Variants in PBX4 observed in about 807,000 individuals in gnomAD.
The protein encoded by PBX4 is pre-B-cell leukemia transcription factor 4.
In PBX4, 26 loss-of-function variants were observed where a neutral mutation model predicts 35.1. The ratio of observed to expected loss-of-function variants is 0.74; its 90% CI spans 0.54 to 1.03. The LOEUF is 1.03. Ranked by LOEUF, PBX4 falls within the 50% of genes least tolerant of loss-of-function variation. PBX4 has a pLI of 0.00. For missense variants in PBX4, 448 were observed against 504.3 expected, an observed-to-expected ratio of 0.89 and a Z score of 1.07; for synonymous variants, 199 against 204.2, an observed-to-expected ratio of 0.97 and a Z score of 0.22.
chr19:19,570,345 G>T (rs367833595), intron 3 of PBX4, 46 bp from the exon 4 acceptor site: 1 of 1,557,550 alleles, frequency 6.4e-7, no homozygotes, highest in Middle Eastern at 1.8e-4. Context: ...AGGCAGCAGG[G>T]TGGCACAGGG....
At chr19:19,564,032 T>C (rs1303611955) in intron 6 of PBX4, among the ~76,000 whole-genome samples, 1 of 152,024 alleles carries the variant, frequency 6.6e-6, no homozygotes, top group Non-Finnish European at 1.5e-5. Flanking sequence ...AGGGTACATG[T>C]GCACAATGTG....
intron 2 of PBX4, among the ~76,000 whole-genome samples, chr19:19,590,627 C>T (rs2061522466): frequency 6.6e-6 from 1 of 152,040 alleles, no homozygotes; most frequent in Non-Finnish European, 1.5e-5. Context: ...TGCCACCACG[C>T]CCAGCTAATT....
chr19:19,569,076 A>G (rs1456837876), intron 5 of PBX4, among the ~76,000 whole-genome samples: 3 of 151,936 alleles, frequency 2.0e-5, no homozygotes, highest in Admixed American at 6.6e-5. Flanking sequence ...TTTGTTTTTC[A>G]GAGATAGGAT....
intron 2 of PBX4, among the ~76,000 whole-genome samples, chr19:19,597,264 A>G (rs1022682786): frequency 6.6e-6 from 1 of 152,208 alleles, no homozygotes; most frequent in African/African-American, 2.4e-5. Flanking sequence ...TAGGGACATC[A>G]TGTCCTCATA....
At chr19:19,577,195 A>C (rs746116184) in intron 2 of PBX4, among the ~76,000 whole-genome samples, 10 of 68,622 alleles carry the variant, frequency 1.5e-4, no homozygotes, top group Non-Finnish European at 2.7e-4. Flanking sequence ...ACTCCATGTC[A>C]AAAAAAAAAA....
intron 1 of PBX4, among the ~76,000 whole-genome samples, chr19:19,609,807 C>A (rs1327494649): frequency 1.3e-5 from 2 of 151,856 alleles, no homozygotes; most frequent in African/African-American, 4.8e-5. Flanking sequence ...GCCGAGATTG[C>A]GCCACCACAC....
chr19:19,580,622 G>A (rs1339393277), intron 2 of PBX4, among the ~76,000 whole-genome samples: 1 of 152,228 alleles, frequency 6.6e-6, no homozygotes, highest in Admixed American at 6.5e-5. Flanking sequence ...ATTCTGGCAA[G>A]GTGCTCACCA....
chr19:19,601,046 TGGCAG>T (rs1455066949), intron 1 of PBX4, among the ~76,000 whole-genome samples: 10 of 152,104 alleles, frequency 6.6e-5, no homozygotes, highest in Non-Finnish European at 1.2e-4. Context: ...TTTACACATG[TGGCAG>T]TTAAGAGGGA....
chr19:19,611,659 A>G (rs1172638746), intron 1 of PBX4, among the ~76,000 whole-genome samples: 1 of 149,390 alleles, frequency 6.7e-6, no homozygotes, highest in Non-Finnish European at 1.5e-5. Context: ...AGCCTGGGTG[A>G]CAGGGTGAGA....
At chr19:19,584,225 G>A (rs1272765095) in intron 2 of PBX4, among the ~76,000 whole-genome samples, 4 of 152,132 alleles carry the variant, frequency 2.6e-5, no homozygotes, top group East Asian at 1.9e-4. Context: ...GTGACAGAGC[G>A]AGACTCTGAT....
intron 1 of PBX4, 120 bp downstream of exon 1, chr19:19,618,391 A>AC: frequency 9.9e-6 from 9 of 913,262 alleles, no homozygotes; most frequent in Non-Finnish European, 1.3e-5. Context: ...CGTCCTCGGG[A>AC]CCCCCCTCCA....
At chr19:19,578,015 T>TAAAAA (rs34023797) in intron 2 of PBX4, among the ~76,000 whole-genome samples, 1 of 73,380 alleles carries the variant, frequency 1.4e-5, no homozygotes, top group African/African-American at 6.0e-5. Context: ...CCATCTCTAC[T>TAAAAA]AAAAAAAAAA....
Position 19,616,766 on chromosome 19 carries a change from C to T in PBX4, c.119+1745G>A, listed in dbSNP as rs995623506. 2.7e-5 allele frequency among the ~76,000 whole-genome samples: 4 copies of T among 150,810 alleles called. No homozygotes were observed. The East Asian group carries it at 7.8e-4, about 30-fold the overall frequency. On this transcript the variant is annotated intron_variant, in intron 1 of 7. Transcript: ENST00000251203. ...TGGTGTGATCTCGGCTCACTGCAGC[C>T]TCCGCCTCCCAGGTTCCAGTGATTC...
At chr19:19,610,198 G>A (rs1394594259) in intron 1 of PBX4, among the ~76,000 whole-genome samples, 1 of 152,214 alleles carries the variant, frequency 6.6e-6, no homozygotes, top group African/African-American at 2.4e-5. Context: ...CGGATCACCT[G>A]AGGTTGGGAG....
chr19:19,582,151 A>T (rs112107493), intron 2 of PBX4, among the ~76,000 whole-genome samples: 2,590 of 152,146 alleles, frequency 0.017, 82 homozygotes, highest in South Asian at 0.11. Flanking sequence ...CTGCTGCTGC[A>T]CACTCCTCTC....
intron 2 of PBX4, among the ~76,000 whole-genome samples, chr19:19,591,668 G>A (rs370127141): frequency 2.0e-5 from 3 of 152,234 alleles, no homozygotes; most frequent in East Asian, 3.9e-4. Flanking sequence ...ACACCGCCTC[G>A]GAGCTGCCTA....
chr19:19,562,237 T>C lies in PBX4; in HGVS notation c.1033-120A>G, dbSNP rs1404501486. ...GGAAGGCTTGGAAAAGATCCACAGA[T>C]GACCTCCAGCTCAGTGGAGGAGGGA... On this transcript the variant is annotated intron_variant, in intron 7 of 7. Coordinates refer to ENST00000251203, the MANE Select transcript of PBX4 (RefSeq NM_025245.3). The surrounding 1 kb of genome is among the most constrained non-coding windows in gnomAD (Gnocchi z 4.8). The C allele has an allele frequency of 1.2e-5, 8 of 688,966 alleles. No individual in the cohort carries two copies. Among genetic ancestry groups the C allele is most frequent in the Non-Finnish European group, 1.7e-5 (7 of 417,078 alleles). The allele number at this position is 688,966 out of a possible 1,614,324, so 42.7% of individuals were successfully genotyped here. A position where few individuals can be genotyped will look rare whatever the true frequency, so the allele number is the denominator to read the frequency against.
At chr19:19,601,655 G>A (rs1441409705) in intron 1 of PBX4, among the ~76,000 whole-genome samples, 1 of 152,168 alleles carries the variant, frequency 6.6e-6, no homozygotes, top group Non-Finnish European at 1.5e-5. Flanking sequence ...ACCTTTCCCA[G>A]ATGTGGGCAG....
chr19:19,567,561 C>T (rs1428581729), intron 5 of PBX4, among the ~76,000 whole-genome samples: 1 of 152,172 alleles, frequency 6.6e-6, no homozygotes, highest in Non-Finnish European at 1.5e-5. Context: ...TGTGCCTGCC[C>T]AGGTGGGAGG....
Sources: gnomAD v4.1 joint callset for allele counts (sites outside exome capture counted in the v4.1 genomes callset) on GRCh38, gnomAD v4.1.1 for gene constraint, Gnocchi (gnomAD v3.1) non-coding constraint, MANE v1.5 for transcripts, NCBI Gene and HGNC (gene_info 2026-07-23, HGNC 2026-07-21) for gene names.